ARHGAP39: variants seen among roughly 807,000 people sequenced by gnomAD.
The protein encoded by ARHGAP39 is rho GTPase-activating protein 39.
A neutral mutation model predicts 106.9 loss-of-function variants in ARHGAP39; 44 were observed. That is an observed-to-expected ratio of 0.41 (90% CI 0.32 to 0.53). The LOEUF (loss-of-function observed/expected upper bound fraction) is 0.53, where lower values mean the gene tolerates loss of function less well. Among genes scored for constraint, ARHGAP39 ranks in the 20% least tolerant of loss-of-function variants. ARHGAP39 has a pLI of 0.21. For missense variants in ARHGAP39, 1,496 were observed against 1,577.3 expected, an observed-to-expected ratio of 0.95 and a Z score of 0.87; for synonymous variants, 768 against 693.2, an observed-to-expected ratio of 1.11 and a Z score of -1.69.
chr8:144,562,548 A>G (rs1376975885), intron 3 of ARHGAP39, among the ~76,000 whole-genome samples: 166 of 112,818 alleles, frequency 1.5e-3, no homozygotes, highest in African/African-American at 4.9e-3. Context: ...GGTTTCCATC[A>G]CACTCCAGTG....
chr8:144,688,406 A>C (rs1168460021), upstream of ARHGAP39, among the ~76,000 whole-genome samples: 3 of 152,156 alleles, frequency 2.0e-5, 1 homozygote, highest in Non-Finnish European at 4.4e-5. Flanking sequence ...CACCTGGCCA[A>C]GGACACTTAA....
chr8:144,539,158 A>G (rs1817087497), intron 6 of ARHGAP39, among the ~76,000 whole-genome samples: 1 of 152,084 alleles, frequency 6.6e-6, no homozygotes, highest in Non-Finnish European at 1.5e-5. Context: ...GCTGCCAGGA[A>G]ACCACTGCTT....
At chr8:144,673,104 C>G (rs1032178066) in intron 1 of ARHGAP39, among the ~76,000 whole-genome samples, 4 of 152,040 alleles carry the variant, frequency 2.6e-5, no homozygotes, top group African/African-American at 9.7e-5. Context: ...ATTGTTCCAG[C>G]TACTTGGGAG....
intron 1 of ARHGAP39, among the ~76,000 whole-genome samples, chr8:144,613,172 A>G (rs1433988803): frequency 6.6e-6 from 1 of 152,122 alleles, no homozygotes; most frequent in African/African-American, 2.4e-5. Flanking sequence ...TATTTTTGCC[A>G]TTTTTGTCAA....
intron 2 of ARHGAP39, among the ~76,000 whole-genome samples, chr8:144,603,098 CAT>C (rs1196259436): frequency 1.6e-5 from 2 of 124,324 alleles, no homozygotes; most frequent in Non-Finnish European, 3.3e-5. Flanking sequence ...TGCGCGAGCT[CAT>C]GTATCTGTGT....
intron 1 of ARHGAP39, among the ~76,000 whole-genome samples, chr8:144,681,006 G>C (rs1822402238): frequency 6.6e-6 from 1 of 152,156 alleles, no homozygotes; most frequent in Non-Finnish European, 1.5e-5. Flanking sequence ...GCAAAATCCT[G>C]GTCTCAGGTG....
intron 2 of ARHGAP39, among the ~76,000 whole-genome samples, chr8:144,603,093 G>A (rs1442792534): frequency 2.8e-5 from 4 of 144,952 alleles, no homozygotes; most frequent in Admixed American, 6.9e-5. Context: ...GTGTGTGCGC[G>A]AGCTCATGTA....
chr8:144,657,328 T>C (rs557227059), intron 1 of ARHGAP39, among the ~76,000 whole-genome samples: 2 of 152,176 alleles, frequency 1.3e-5, no homozygotes, highest in Middle Eastern at 6.8e-3. Context: ...GGCATGGTGG[T>C]ATGTGCCTGT....
In ARHGAP39 at chr8:144,547,486, C is replaced by A. The variant is rs758906504; in HGVS notation, c.1600G>T (p.Ala534Ser). The change falls in exon 5 of 12, where the codon GCC becomes TCC. Residue 534 changes from alanine (A) to serine (S), a missense_variant. By Grantham distance (99) the Ala-to-Ser change is moderately conservative (BLOSUM62 1). Coordinates refer to ENST00000377307, the MANE Select transcript of ARHGAP39 (RefSeq NM_025251.3). The surrounding 1 kb of genome is among the most constrained non-coding windows in gnomAD (Gnocchi z 5.2). ...EEQPPCGTSL[A>S]PVKRAEGEAE... Reference sequence around the variant, plus strand: ...TCACCTTCCGCTCGCTTCACGGGGGCGAGGCTGGTCCCGCACGGGGGCTGT... The same window carrying A: ...TCACCTTCCGCTCGCTTCACGGGGGAGAGGCTGGTCCCGCACGGGGGCTGT... 10 of 1,526,172 alleles carry A rather than the reference C, an allele frequency of 6.6e-6. No individual in the cohort carries two copies. The highest frequency in any genetic ancestry group is 7.9e-6 in the Non-Finnish European group (9 of 1,140,786). The allele number at this position is 1,526,172 out of a possible 1,614,324, so 94.5% of individuals were successfully genotyped here.
At chr8:144,656,098 G>A (rs930810052) in intron 1 of ARHGAP39, among the ~76,000 whole-genome samples, 1 of 144,944 alleles carries the variant, frequency 6.9e-6, no homozygotes, top group Admixed American at 7.0e-5. Context: ...CATACTAAAA[G>A]AAATATTAAA....
intron 3 of ARHGAP39, among the ~76,000 whole-genome samples, chr8:144,569,878 C>T (rs934862385): frequency 1.3e-5 from 2 of 152,178 alleles, no homozygotes; most frequent in African/African-American, 4.8e-5. Flanking sequence ...CAAAAACACA[C>T]AGAGTAGTGG....
chr8:144,534,282 C>T, intron 7 of ARHGAP39, 80 bp from the exon 8 acceptor site: 1 of 1,520,604 alleles, frequency 6.6e-7, no homozygotes, highest in Admixed American at 1.7e-5. Flanking sequence ...GACACAGCTC[C>T]TTCGAGGGCC....
rs202209257 is a variant in ARHGAP39 at position 144,533,219 on chromosome 8, T to G, written c.2795A>C (p.Glu932Ala). Residue 932 changes from glutamate (E) to alanine (A), a missense_variant, in exon 9 of 12, where the codon GAG becomes GCG. Glu to Ala is a moderately radical substitution (Grantham distance 107, BLOSUM62 -1). Coordinates refer to ENST00000377307, the MANE Select transcript of ARHGAP39 (RefSeq NM_025251.3). ...GGGCAGCTGGCGCTCGGGGTAGCGC[T>G]CTCTCTGCATGCCCATGACCTCCTG... Reference protein sequence around the residue: ...ALQEVMGMQRERYPERQLPWV... With the variant: ...ALQEVMGMQRARYPERQLPWV... 190 of 1,612,984 alleles carry G rather than the reference T, an allele frequency of 1.2e-4. No individual in the cohort carries two copies. The highest frequency in any genetic ancestry group is 5.0e-4 in the Middle Eastern group (3 of 6,058).
In ARHGAP39 at chr8:144,537,681, T is replaced by C. The variant is rs769034697; in HGVS notation, c.2614+40A>G. ...CGGCCGAGGCTGGAGAGCAGAGCTG[T>C]GCAGACGCCGCGCCCAGGGGCTGCG... On this transcript the variant is annotated intron_variant, in intron 7 of 11. Transcript: ENST00000377307. 4 of 1,576,006 alleles carry C rather than the reference T, an allele frequency of 2.5e-6. No individual in the cohort carries two copies. In the South Asian group the frequency reaches 4.4e-5, roughly 17 times the overall value.
chr8:144,626,947 G>A (rs1322595500), intron 1 of ARHGAP39, among the ~76,000 whole-genome samples: 5 of 152,250 alleles, frequency 3.3e-5, no homozygotes, highest in African/African-American at 9.6e-5. Context: ...ACTCCTGCTG[G>A]GATAAGGTTC....
intron 1 of ARHGAP39, among the ~76,000 whole-genome samples, chr8:144,621,895 G>A (rs947210509): frequency 9.2e-5 from 14 of 152,232 alleles, no homozygotes; most frequent in African/African-American, 3.4e-4. Context: ...CAAACAAGAT[G>A]TGGTCGGCTC....
chr8:144,612,050 T>TTGAACCCAA (rs1298906961), intron 1 of ARHGAP39, among the ~76,000 whole-genome samples: 4 of 150,970 alleles, frequency 2.6e-5, no homozygotes, highest in Non-Finnish European at 5.9e-5. Flanking sequence ...AGAGGATTCC[T>TTGAACCCAA]TGAACCCAAG....
chr8:144,603,261 G>A (rs1037568566), intron 2 of ARHGAP39, among the ~76,000 whole-genome samples: 14 of 151,572 alleles, frequency 9.2e-5, no homozygotes, highest in Non-Finnish European at 1.6e-4. Flanking sequence ...TCGTGTACCT[G>A]TGTGCATGTG....
At chr8:144,602,573 C>T (rs1331639801) in intron 2 of ARHGAP39, among the ~76,000 whole-genome samples, 2 of 120,146 alleles carry the variant, frequency 1.7e-5, no homozygotes, top group African/African-American at 6.6e-5. Flanking sequence ...AGCTCGTGTA[C>T]CTGTGTGCAT....
Sources: gnomAD v4.1 joint callset for allele counts (sites outside exome capture counted in the v4.1 genomes callset) on GRCh38, gnomAD v4.1.1 for gene constraint, Gnocchi (gnomAD v3.1) non-coding constraint, MANE v1.5 for transcripts, NCBI Gene and HGNC (gene_info 2026-07-23, HGNC 2026-07-21) for gene names.